KCNIP3: variants seen among roughly 807,000 people sequenced by gnomAD.
The protein encoded by KCNIP3 is calsenilin.
In KCNIP3, 28 loss-of-function variants were observed where a neutral mutation model predicts 35.0. That is an observed-to-expected ratio of 0.80 (90% CI 0.59 to 1.10). The LOEUF (loss-of-function observed/expected upper bound fraction) is 1.10, where lower values mean the gene tolerates loss of function less well. Among genes scored for constraint, KCNIP3 ranks in the 50% least tolerant of loss-of-function variants. The probability of loss-of-function intolerance (pLI) is 0.00; values close to 1 mark genes in which losing one functional copy is unlikely to be tolerated. For synonymous variants in KCNIP3, 134 were observed against 133.8 expected (o/e 1.00, Z -0.01); for missense variants, 295 against 338.4 (o/e 0.87, Z 1.01).
At chr2:95,345,982 C>A (rs1329289514) in intron 2 of KCNIP3, among the ~76,000 whole-genome samples, 3 of 152,226 alleles carry the variant, frequency 2.0e-5, no homozygotes, top group African/African-American at 4.8e-5. Flanking sequence ...GCGGCGGCTG[C>A]GAGTCCGTGA....
Position 95,381,664 on chromosome 2 carries a change from T to G in KCNIP3, c.516T>G (p.Asn172Lys). 6.2e-7 allele frequency: 1 copy of G among 1,614,042 alleles called. No individual in the cohort carries two copies. Among genetic ancestry groups the G allele is most frequent in the Non-Finnish European group, 8.5e-7 (1 of 1,179,954 alleles). ...ACGAGAAGCTCAAGTGGGCCTTTAATCTCTACGACATTAACAAGGATGGCT... is the reference window on the plus strand; with the variant it reads ...ACGAGAAGCTCAAGTGGGCCTTTAAGCTCTACGACATTAACAAGGATGGCT... ...TVHEKLKWAF[N>K]LYDINKDGYI... is the part of the protein sequence containing the mutation. The change falls in exon 6 of 9, where the codon AAT (asparagine) becomes AAG (lysine). Residue 172 changes from asparagine to lysine, a missense_variant. Physicochemically the swap from Asn to Lys is moderately conservative, Grantham distance 94. Coordinates refer to ENST00000295225, the MANE Select transcript of KCNIP3 (RefSeq NM_013434.5).
At chr2:95,348,637 G>T (rs1679436925) in intron 2 of KCNIP3, among the ~76,000 whole-genome samples, 1 of 152,210 alleles carries the variant, frequency 6.6e-6, no homozygotes. Context: ...TGATTTCTGA[G>T]GAGGTTTCTT....
At chr2:95,318,734 G>C (rs2104222655) in intron 2 of KCNIP3, among the ~76,000 whole-genome samples, 1 of 152,376 alleles carries the variant, frequency 6.6e-6, no homozygotes, top group South Asian at 2.1e-4. Flanking sequence ...GATATCAGGA[G>C]CTTCAGACCC....
chr2:95,340,498 T>C (rs1364245211), intron 2 of KCNIP3, among the ~76,000 whole-genome samples: 1 of 152,212 alleles, frequency 6.6e-6, no homozygotes, highest in Non-Finnish European at 1.5e-5. Flanking sequence ...AAGACTTTAC[T>C]GTAGAAGAGA....
intron 2 of KCNIP3, among the ~76,000 whole-genome samples, chr2:95,320,130 C>A (rs1678556371): frequency 1.3e-5 from 2 of 152,042 alleles, no homozygotes; most frequent in Admixed American, 1.3e-4. Flanking sequence ...TGGGTGTGGA[C>A]CCGGAGGCGC....
At chr2:95,383,531 A>C (rs1680403726) in intron 8 of KCNIP3, among the ~76,000 whole-genome samples, 1 of 116,144 alleles carries the variant, frequency 8.6e-6, no homozygotes, top group African/African-American at 3.3e-5. Flanking sequence ...CTACCCCCAC[A>C]CCCTCCCTCA....
rs1216139948 is a variant in KCNIP3 at position 95,382,079 on chromosome 2, G to A, written c.556-298G>A. Among the ~76,000 whole-genome samples the A allele has an allele frequency of 2.0e-5, 3 of 152,100 alleles. No homozygotes were observed. The highest frequency in any genetic ancestry group is 7.2e-5 in the African/African-American group (3 of 41,434). ...GGCATGGGTGGAGAGGGGAGCCCTC[G>A]CACATGGGCCCACAGACAGGTTTTG... On this transcript the variant is annotated intron_variant, in intron 6 of 8. Coordinates refer to ENST00000295225, the MANE Select transcript of KCNIP3 (RefSeq NM_013434.5). The surrounding 1 kb of genome is among the most constrained non-coding windows in gnomAD (Gnocchi z 4.5).
In KCNIP3 at chr2:95,347,974, C is replaced by G. The variant is rs569445047; in HGVS notation, c.182-26322C>G. 2.0e-5 allele frequency among the ~76,000 whole-genome samples: 3 copies of G among 152,368 alleles called. No individual in the cohort carries two copies. The South Asian group carries it at 6.2e-4, about 32-fold the overall frequency. On this transcript the variant is annotated intron_variant, in intron 2 of 8. Coordinates refer to ENST00000295225, the MANE Select transcript of KCNIP3 (RefSeq NM_013434.5). Reference sequence around the variant, plus strand: ...CTGCCTGGGAGCTGCCCAGCAGCCCCTCGGGCATGGGGAAGTGCCCCAAGT... The same window carrying G: ...CTGCCTGGGAGCTGCCCAGCAGCCCGTCGGGCATGGGGAAGTGCCCCAAGT...
At chr2:95,331,260 G>A (rs1335383423) in intron 2 of KCNIP3, among the ~76,000 whole-genome samples, 1 of 152,220 alleles carries the variant, frequency 6.6e-6, no homozygotes, top group African/African-American at 2.4e-5. Flanking sequence ...TGTCCTGGGT[G>A]TCTGTTGCGT....
At chr2:95,380,612 T>C (rs1485251711) in intron 5 of KCNIP3, among the ~76,000 whole-genome samples, 1 of 152,194 alleles carries the variant, frequency 6.6e-6, no homozygotes, top group Non-Finnish European at 1.5e-5. Flanking sequence ...ACAGTTGAAG[T>C]TGTCACATGG....
intron 7 of KCNIP3, 111 bp from the exon 8 acceptor site, chr2:95,383,121 C>CCAAA: frequency 2.4e-6 from 1 of 411,650 alleles, no homozygotes; most frequent in Non-Finnish European, 4.6e-6. Context: ...GCCCACCCGC[C>CCAAA]CATCCACCCA....
At chr2:95,355,481 G>A (rs1371587519) in intron 2 of KCNIP3, among the ~76,000 whole-genome samples, 1 of 152,108 alleles carries the variant, frequency 6.6e-6, no homozygotes, top group Non-Finnish European at 1.5e-5. Flanking sequence ...TTCGCCTAAT[G>A]CTATCCCTCC....
At chr2:95,308,758 G>A (rs1203347025) in intron 1 of KCNIP3, among the ~76,000 whole-genome samples, 1 of 152,192 alleles carries the variant, frequency 6.6e-6, no homozygotes, top group African/African-American at 2.4e-5. Context: ...ACTGGCCCGG[G>A]CTCCCTGCTG....
In KCNIP3 at chr2:95,304,166, A is replaced by G. The variant is rs1331252193; in HGVS notation, c.16-6189A>G. ...GCCTCAGCCACAGAGAGAAACATAC[A>G]CTTCCTGCCTTTACCGTTTTGCTGT... On this transcript the variant is annotated intron_variant, in intron 1 of 8. Transcript: ENST00000295225. Among the ~76,000 whole-genome samples the G allele has an allele frequency of 2.6e-5, 4 of 152,120 alleles. No individual in the cohort carries two copies. The South Asian group carries it at 8.3e-4, about 32-fold the overall frequency.
chr2:95,315,425 C>T (rs888341486), intron 2 of KCNIP3, among the ~76,000 whole-genome samples: 2 of 152,188 alleles, frequency 1.3e-5, no homozygotes, highest in Admixed American at 6.5e-5. Flanking sequence ...AGTGCCTCCT[C>T]GGCCCCAGCG....
intron 2 of KCNIP3, among the ~76,000 whole-genome samples, chr2:95,349,585 C>T (rs1679460811): frequency 6.6e-6 from 1 of 152,216 alleles, no homozygotes; most frequent in Admixed American, 6.5e-5. Flanking sequence ...AAGCTCGCCC[C>T]TTGATCCATG....
chr2:95,311,834 ATGAG>A (rs1354428174), intron 2 of KCNIP3: 5 of 152,212 alleles, frequency 3.3e-5, no homozygotes, highest in African/African-American at 1.2e-4. Context: ...CTGTGAATGC[ATGAG>A]TGAGTTCCAC....
intron 2 of KCNIP3, among the ~76,000 whole-genome samples, chr2:95,323,047 C>A (rs1678636396): frequency 6.6e-6 from 1 of 152,230 alleles, no homozygotes; most frequent in African/African-American, 2.4e-5. Flanking sequence ...TCCACCCACC[C>A]AGCCTCCCCC....
chr2:95,369,908 A>C (rs1352069165), intron 2 of KCNIP3, among the ~76,000 whole-genome samples: 1 of 152,170 alleles, frequency 6.6e-6, no homozygotes, highest in Non-Finnish European at 1.5e-5. Flanking sequence ...GGCGTGAACC[A>C]CTGCACTCAG....
Sources: allele counts gnomAD v4.1 joint callset (sites outside exome capture counted in the v4.1 genomes callset), GRCh38; gene constraint gnomAD v4.1.1; non-coding constraint Gnocchi (gnomAD v3.1); transcripts MANE v1.5; gene names NCBI Gene and HGNC (gene_info 2026-07-23, HGNC 2026-07-21).